The following ANKS1B variants were observed in gnomAD, a reference collection of about 807,000 sequenced individuals.
ANKS1B encodes ankyrin repeat and sterile alpha motif domain containing 1B.
A neutral mutation model predicts 148.3 loss-of-function variants in ANKS1B; 36 were observed. That is an observed-to-expected ratio of 0.24 (90% CI 0.19 to 0.32). The LOEUF (loss-of-function observed/expected upper bound fraction) is 0.32, where lower values mean the gene tolerates loss of function less well. Among genes scored for constraint, ANKS1B ranks in the 10% least tolerant of loss-of-function variants. The probability of loss-of-function intolerance (pLI) is 1.00; values close to 1 mark genes in which losing one functional copy is unlikely to be tolerated. For synonymous variants in ANKS1B, 542 were observed against 560.8 expected (o/e 0.97, Z 0.47); for missense variants, 1,157 against 1,542.6 (o/e 0.75, Z 4.19).
chr12:99,754,986 C>T (rs576456665), intron 8 of ANKS1B, among the ~76,000 whole-genome samples: 2 of 151,648 alleles, frequency 1.3e-5, no homozygotes, highest in Admixed American at 6.6e-5. Flanking sequence ...GAGTACAAAA[C>T]ATAACCAAAA....
At position 98,745,085 on chromosome 12, in the gene ANKS1B, C is replaced by T; in HGVS notation, c.*654G>A. ...ACATTTTGCTGTGCATAATAAATTC[C>T]TCTGCTTTGAATCATTCTTTCCTTT... On this transcript the variant is annotated 3_prime_UTR_variant, in exon 27 of 27. Transcript: ENST00000683438. 1 of 985,742 alleles carries T rather than the reference C, an allele frequency of 1.0e-6. No homozygotes were observed. The highest frequency in any genetic ancestry group is 1.2e-6 in the Non-Finnish European group (1 of 829,902). 61.1% of individuals were successfully genotyped at this position (985,742 alleles called of 1,614,324 possible).
Position 99,133,369 on chromosome 12 carries a change from G to C in ANKS1B, c.2526+20920C>G, listed in dbSNP as rs117247834. On this transcript the variant is annotated intron_variant, in intron 15 of 26. Coordinates refer to ENST00000683438, the MANE Select transcript of ANKS1B (RefSeq NM_001352186.2). ...TGCCCAGCCAGCATCATGTGACTACGTCCCTAAGTACATAGTACCATGGCA... is the reference window on the plus strand; with the variant it reads ...TGCCCAGCCAGCATCATGTGACTACCTCCCTAAGTACATAGTACCATGGCA... 4.0e-3 allele frequency among the ~76,000 whole-genome samples: 614 copies of C among 152,086 alleles called. 23 individuals carry two copies. In the East Asian group the frequency reaches 0.087, roughly 22 times the overall value.
At chr12:99,449,535 C>T (rs1301179503) in intron 10 of ANKS1B, among the ~76,000 whole-genome samples, 2 of 152,084 alleles carry the variant, frequency 1.3e-5, no homozygotes, top group South Asian at 2.1e-4. Flanking sequence ...TGATTAACTA[C>T]CATCTTCTAT....
chr12:98,906,917 TATG>T (rs1324526622), intron 17 of ANKS1B, among the ~76,000 whole-genome samples: 5 of 152,176 alleles, frequency 3.3e-5, no homozygotes, highest in African/African-American at 9.7e-5. Context: ...ATTCAAGGTG[TATG>T]ATATGTTGTT....
chr12:99,023,581 C>A (rs1303079266), intron 17 of ANKS1B, among the ~76,000 whole-genome samples: 1 of 151,842 alleles, frequency 6.6e-6, no homozygotes, highest in African/African-American at 2.4e-5. Flanking sequence ...CTGTGTTTCA[C>A]CAAGGATGCA....
chr12:99,465,916 T>C (rs980890851), intron 10 of ANKS1B, among the ~76,000 whole-genome samples: 2 of 152,042 alleles, frequency 1.3e-5, no homozygotes, highest in Non-Finnish European at 2.9e-5. Context: ...TACCCAGGAA[T>C]TGAACCCAGC....
rs58151526 is a variant in ANKS1B, at chr12:99,657,897, C to CAAAA, written c.1129-2691_1129-2688dup. On this transcript the variant is annotated intron_variant, in intron 8 of 26. Coordinates refer to ENST00000683438, the MANE Select transcript of ANKS1B (RefSeq NM_001352186.2). ...CTTCCTCTATCTCTTTCTCCTCCCT[C>CAAAA]AAAAAAAAAAAAAAAAAAAAAAAAA... Among the ~76,000 whole-genome samples the CAAAA allele has an allele frequency of 2.2e-3, 166 of 75,394 alleles. 2 individuals carry two copies. Among genetic ancestry groups the CAAAA allele is most frequent in the African/African-American group, 5.1e-3 (97 of 18,920 alleles). 49.5% of individuals were successfully genotyped at this position (75,394 alleles called of 152,430 possible).
chr12:99,894,110 A>G (rs2093262743), intron 1 of ANKS1B, among the ~76,000 whole-genome samples: 2 of 151,944 alleles, frequency 1.3e-5, no homozygotes, highest in Admixed American at 6.6e-5. Context: ...CAGAAAGTAA[A>G]GTAAAAAGAT....
rs550766880 is a variant in ANKS1B at position 99,647,952 on chromosome 12, G to T, written c.1272+7115C>A. 597 of 604,164 alleles carry T rather than the reference G, an allele frequency of 9.9e-4. 3 individuals are homozygous for T. The highest frequency in any genetic ancestry group is 1.6e-3 in the Non-Finnish European group (566 of 354,092). The allele number at this position is 604,164 out of a possible 1,614,324, so 37.4% of individuals were successfully genotyped here. A position where few individuals can be genotyped will look rare whatever the true frequency, so the allele number is the denominator to read the frequency against. ...CCTGACAGCTCCATGCACTAAGCAG[G>T]GCACAGTCTGGATCCAGGGGACTGA... On this transcript the variant is annotated intron_variant, in intron 9 of 26. Transcript: ENST00000683438.
downstream of ANKS1B, among the ~76,000 whole-genome samples, chr12:98,739,927 ACCT>A (rs1223899216): frequency 6.6e-6 from 1 of 150,492 alleles, no homozygotes; most frequent in Admixed American, 6.6e-5. Context: ...CTCCTCTACC[ACCT>A]CCTTCTCCTT....
chr12:99,090,538 A>T (rs1011437716), intron 15 of ANKS1B, among the ~76,000 whole-genome samples: 3 of 152,186 alleles, frequency 2.0e-5, no homozygotes, highest in Non-Finnish European at 4.4e-5. Context: ...GACCTTAAAT[A>T]TTTAAAATAG....
intron 17 of ANKS1B, among the ~76,000 whole-genome samples, chr12:98,964,725 T>C (rs2099876356): frequency 6.6e-6 from 1 of 152,178 alleles, no homozygotes; most frequent in African/African-American, 2.4e-5. Flanking sequence ...ACTTCACATG[T>C]CCTCACTTAT....
At chr12:99,478,331 T>A (rs1434040780) in intron 10 of ANKS1B, among the ~76,000 whole-genome samples, 1 of 152,146 alleles carries the variant, frequency 6.6e-6, no homozygotes, top group African/African-American at 2.4e-5. Context: ...ACCTTTAATT[T>A]CCCTATCATA....
chr12:99,762,965 T>C (rs2062286949), intron 8 of ANKS1B, among the ~76,000 whole-genome samples: 1 of 152,034 alleles, frequency 6.6e-6, no homozygotes, highest in African/African-American at 2.4e-5. Flanking sequence ...CCTGTCACAA[T>C]GACTATTATT....
chr12:98,973,805 A>C (rs1451941808), intron 17 of ANKS1B, among the ~76,000 whole-genome samples: 3 of 152,126 alleles, frequency 2.0e-5, no homozygotes, highest in African/African-American at 7.2e-5. Context: ...TGATAAATTA[A>C]ACTTTATTAT....
intron 24 of ANKS1B, among the ~76,000 whole-genome samples, chr12:98,776,144 G>T (rs1300103280): frequency 6.6e-6 from 1 of 152,222 alleles, no homozygotes; most frequent in Non-Finnish European, 1.5e-5. Context: ...GGTGAAGCCA[G>T]TTCTCTATGT....
At chr12:99,768,709 C>T (rs1355460371) in intron 8 of ANKS1B, among the ~76,000 whole-genome samples, 1 of 151,724 alleles carries the variant, frequency 6.6e-6, no homozygotes, top group Non-Finnish European at 1.5e-5. Flanking sequence ...GCCTGTAGTC[C>T]CAGCTACTCA....
rs116004468 is a variant in ANKS1B at position 99,836,260 on chromosome 12, G to A, written c.135-10871C>T. Among the ~76,000 whole-genome samples, 1,210 of 151,922 alleles carry A rather than the reference G, an allele frequency of 8.0e-3. 16 individuals carry two copies. Among genetic ancestry groups the A allele is most frequent in the African/African-American group, 0.028 (1,142 of 41,452 alleles). On this transcript the variant is annotated intron_variant, in intron 1 of 26. Transcript: ENST00000683438. Reference sequence around the variant, plus strand: ...AAGCTTTCTAAAAATAACTGCAAACGTTGGCTTTGTAGTAAATACATGTCT... The same window carrying A: ...AAGCTTTCTAAAAATAACTGCAAACATTGGCTTTGTAGTAAATACATGTCT...
intron 12 of ANKS1B, among the ~76,000 whole-genome samples, chr12:99,321,927 A>T (rs2085351802): frequency 6.6e-6 from 1 of 152,204 alleles, no homozygotes. Context: ...AATGAGTTCA[A>T]CCATTGTGGA....
Sources: allele counts gnomAD v4.1 joint callset (sites outside exome capture counted in the v4.1 genomes callset), GRCh38; gene constraint gnomAD v4.1.1; transcripts MANE v1.5; gene names NCBI Gene and HGNC (gene_info 2026-07-23, HGNC 2026-07-21).